Variants in PDXDC1 observed in about 807,000 individuals in gnomAD.
PDXDC1 encodes the protein pyridoxal dependent decarboxylase domain containing 1.
In PDXDC1, 42 loss-of-function variants were observed where a neutral mutation model predicts 100.1. The observed-to-expected ratio is 0.42, with a 90% confidence interval of 0.33 to 0.54. The LOEUF is 0.54. Ranked by LOEUF, PDXDC1 falls within the 20% of genes least tolerant of loss-of-function variation. PDXDC1 has a pLI of 0.10. For synonymous variants in PDXDC1, 260 were observed against 371.7 expected, an observed-to-expected ratio of 0.70 and a Z score of 3.46; for missense variants, 636 against 979.2, an observed-to-expected ratio of 0.65 and a Z score of 4.68.
chr16:15,093,085 A>T (rs993280152), intron 16 of PDXDC1, among the ~76,000 whole-genome samples: 2 of 151,396 alleles, frequency 1.3e-5, no homozygotes, highest in African/African-American at 4.9e-5. Flanking sequence ...CTTAACTGCA[A>T]CCTCCATCTC....
downstream of PDXDC1, chr16:15,040,298 C>T (rs549727234): frequency 1.9e-5 from 8 of 416,708 alleles, no homozygotes; most frequent in South Asian, 3.2e-4. Context: ...TGTTCTAAAC[C>T]AAGAGCTGCT....
intron 16 of PDXDC1, among the ~76,000 whole-genome samples, chr16:15,050,368 G>A (rs551858515): frequency 2.0e-5 from 3 of 152,210 alleles, no homozygotes. Flanking sequence ...CAGTTTTGCA[G>A]TCTTAGTCTT....
chr16:15,128,720 C>G (rs913006647), intron 16 of PDXDC1, among the ~76,000 whole-genome samples: 3 of 152,154 alleles, frequency 2.0e-5, no homozygotes, highest in Admixed American at 2.0e-4. Context: ...GTGACCCGCA[C>G]CACACACCCG....
chr16:15,097,468 CAAAAAAAAAAAAA>C (rs71152407), intron 16 of PDXDC1, among the ~76,000 whole-genome samples: 1 of 65,854 alleles, frequency 1.5e-5, no homozygotes, highest in Non-Finnish European at 2.6e-5. Context: ...ACTAAAAATA[CAAAAAAAAAAAAA>C]AAAAAAAAAA....
chr16:15,014,277 C>T (rs2041611425), intron 8 of PDXDC1, among the ~76,000 whole-genome samples: 1 of 152,062 alleles, frequency 6.6e-6, no homozygotes, highest in South Asian at 2.1e-4. Flanking sequence ...GGAAAACCAT[C>T]ACTTCCTGCC....
At chr16:14,980,197 G>A (rs1474834023) in intron 1 of PDXDC1, among the ~76,000 whole-genome samples, 9 of 152,274 alleles carry the variant, frequency 5.9e-5, no homozygotes, top group East Asian at 5.8e-4. Context: ...TCCCATTTCC[G>A]TCTTTGCTCC....
chr16:15,095,678 C>G (rs1455598153), intron 16 of PDXDC1, among the ~76,000 whole-genome samples: 2 of 151,922 alleles, frequency 1.3e-5, no homozygotes, highest in African/African-American at 2.4e-5. Flanking sequence ...ATGACAAAAC[C>G]CTGTCTCTAC....
chr16:15,095,288 G>A (rs1033552691), intron 16 of PDXDC1, among the ~76,000 whole-genome samples: 4 of 152,096 alleles, frequency 2.6e-5, no homozygotes, highest in African/African-American at 9.7e-5. Context: ...CTACTCTCAG[G>A]GAGGGGAAAA....
intron 16 of PDXDC1, chr16:15,071,273 G>C (rs1295006991): frequency 6.3e-7 from 1 of 1,580,864 alleles, no homozygotes. Context: ...GAGGGCGTCG[G>C]TGTGATCTTT....
chr16:15,100,138 A>T (rs1376887984), intron 16 of PDXDC1, among the ~76,000 whole-genome samples: 1 of 152,194 alleles, frequency 6.6e-6, no homozygotes, highest in Admixed American at 6.5e-5. Context: ...TTTGCTGTGA[A>T]CTAGAAGGGA....
At chr16:15,039,924 GC>G, downstream of PDXDC1, 1 of 1,036,764 alleles carries the variant, frequency 9.6e-7, no homozygotes, top group Non-Finnish European at 1.5e-6. Flanking sequence ...GACATTTGAT[GC>G]CTTTTTTTTT....
intron 16 of PDXDC1, chr16:15,134,123 C>G (rs1391297651): frequency 6.5e-6 from 9 of 1,392,678 alleles, no homozygotes; most frequent in Non-Finnish European, 7.9e-6. Flanking sequence ...GCCCTGTCAG[C>G]CCCACTTCTG....
At chr16:15,020,178 G>A (rs1230425279) in intron 12 of PDXDC1, among the ~76,000 whole-genome samples, 1 of 150,408 alleles carries the variant, frequency 6.6e-6, no homozygotes, top group Non-Finnish European at 1.5e-5. Context: ...GGTTAGAGCT[G>A]AGCCCTCCCT....
At chr16:15,126,031 T>G in intron 16 of PDXDC1, 1 of 590,998 alleles carries the variant, frequency 1.7e-6, no homozygotes, top group Non-Finnish European at 3.0e-6. Context: ...AACAGAGTTT[T>G]CAATTTCATT....
chr16:15,104,812 T>C lies in PDXDC1; in HGVS notation c.1400-34067T>C. On this transcript the variant is annotated intron_variant, in intron 16 of 16. Transcript: ENST00000535621. ...ACACATATTCATTTGATGGACAAAATTACCGCCACCAACACAGTCTGCACC... is the reference window on the plus strand; with the variant it reads ...ACACATATTCATTTGATGGACAAAACTACCGCCACCAACACAGTCTGCACC... The C allele has an allele frequency of 2.6e-6, 4 of 1,533,418 alleles. No individual in the cohort carries two copies. The Admixed American group carries it at 7.8e-5, about 30-fold the overall frequency. 95.0% of individuals were successfully genotyped at this position (1,533,418 alleles called of 1,614,324 possible).
At chr16:15,146,926 G>A in the PDXDC1 span, among the ~76,000 whole-genome samples, 1 of 152,100 alleles carries the variant, frequency 6.6e-6, no homozygotes, top group African/African-American at 2.4e-5. Flanking sequence ...CTGAGGCTGA[G>A]AGACTGGACC....
At chr16:15,027,448 T>G (rs1221899320) in intron 14 of PDXDC1, among the ~76,000 whole-genome samples, 6 of 152,272 alleles carry the variant, frequency 3.9e-5, no homozygotes, top group Admixed American at 2.0e-4. Context: ...TTAGCTCACT[T>G]AGACCCCCTT....
At chr16:15,141,444 C>T (rs1038689862), downstream of PDXDC1, among the ~76,000 whole-genome samples, 24 of 152,232 alleles carry the variant, frequency 1.6e-4, 1 homozygote, top group Admixed American at 1.3e-4. Flanking sequence ...CACTGGCTCC[C>T]GGAGCTTCTC....
At chr16:15,147,309 G>A in the PDXDC1 span, among the ~76,000 whole-genome samples, 4 of 152,300 alleles carry the variant, frequency 2.6e-5, no homozygotes, top group Admixed American at 2.6e-4. Context: ...GCACTAGTGT[G>A]GGCCCCAGGC....
Sources: allele counts gnomAD v4.1 joint callset (sites outside exome capture counted in the v4.1 genomes callset), GRCh38; gene constraint gnomAD v4.1.1; transcripts MANE v1.5; gene names NCBI Gene and HGNC (gene_info 2026-07-23, HGNC 2026-07-21).